Variants in RIC8B observed in about 807,000 individuals in gnomAD.
RIC8B encodes RIC8 guanine nucleotide exchange factor B.
RIC8B carries 16 observed loss-of-function variants against 57.5 expected under a neutral mutation model. That is an observed-to-expected ratio of 0.28 (90% CI 0.19 to 0.42). The LOEUF is 0.42. RIC8B is among the 10% of genes least tolerant of loss of function. The probability of loss-of-function intolerance (pLI) is 1.00; values close to 1 mark genes in which losing one functional copy is unlikely to be tolerated. For synonymous variants in RIC8B, 216 were observed against 250.8 expected, an observed-to-expected ratio of 0.86 and a Z score of 1.31; for missense variants, 481 against 677.0, an observed-to-expected ratio of 0.71 and a Z score of 3.21.
At chr12:106,813,789 G>A (rs527372640) in intron 2 of RIC8B, among the ~76,000 whole-genome samples, 8 of 152,040 alleles carry the variant, frequency 5.3e-5, no homozygotes, top group African/African-American at 1.5e-4. Context: ...AGAAATGTTC[G>A]GTGATAGAGT....
chr12:106,875,473 TA>T lies in RIC8B; in HGVS notation c.1571+4533del, dbSNP rs565702831. Among the ~76,000 whole-genome samples the T allele has an allele frequency of 7.9e-5, 12 of 152,310 alleles. No homozygotes were observed. The East Asian group carries it at 2.1e-3, about 27-fold the overall frequency. Reference sequence around the variant, plus strand: ...TTAGCTATTGCACACAACTTGTATATAATAGTGGTGCCTCCTCTAGAAAAGG... The same window carrying T: ...TTAGCTATTGCACACAACTTGTATATATAGTGGTGCCTCCTCTAGAAAAGG... On this transcript the variant is annotated intron_variant, in intron 9 of 9. Transcript: ENST00000392837.
chr12:106,794,437 C>T (rs2044387559), intron 2 of RIC8B, among the ~76,000 whole-genome samples: 2 of 152,088 alleles, frequency 1.3e-5, no homozygotes, highest in African/African-American at 2.4e-5. Context: ...TTATTGGAAA[C>T]CTACATATCC....
chr12:106,871,600 C>T (rs1950435987), intron 9 of RIC8B: 1 of 151,316 alleles, frequency 6.6e-6, no homozygotes. Flanking sequence ...AGCAACTAGT[C>T]ATCTTGGAGG....
intron 2 of RIC8B, among the ~76,000 whole-genome samples, chr12:106,803,030 A>G (rs1380025056): frequency 6.6e-6 from 1 of 151,926 alleles, no homozygotes; most frequent in Admixed American, 6.6e-5. Context: ...CCTGGGCAGC[A>G]TAGCAAGACC....
At chr12:106,804,017 C>T (rs1566058627) in intron 2 of RIC8B, among the ~76,000 whole-genome samples, 1 of 152,120 alleles carries the variant, frequency 6.6e-6, no homozygotes, top group Non-Finnish European at 1.5e-5. Flanking sequence ...TAATAAATAG[C>T]AGTCATATCC....
chr12:106,798,096 G>A (rs894162773), intron 2 of RIC8B: 2 of 715,820 alleles, frequency 2.8e-6, no homozygotes, highest in African/African-American at 3.5e-5. Context: ...AATAACTAGT[G>A]AAGAAGATAG....
chr12:106,814,537 C>T (rs1332335461), intron 2 of RIC8B, among the ~76,000 whole-genome samples, 159 bp from the exon 3 acceptor site: 1 of 152,104 alleles, frequency 6.6e-6, no homozygotes, highest in Non-Finnish European at 1.5e-5. Flanking sequence ...CTGATGGTGA[C>T]CTTATATTTC....
intron 2 of RIC8B, among the ~76,000 whole-genome samples, 177 bp downstream of exon 2, chr12:106,784,221 G>A (rs1241847995): frequency 1.3e-5 from 2 of 152,106 alleles, no homozygotes; most frequent in African/African-American, 2.4e-5. Context: ...TGGGTTACAC[G>A]TAACTCTTTC....
chr12:106,797,057 G>T (rs2044516533), intron 2 of RIC8B, among the ~76,000 whole-genome samples: 1 of 152,182 alleles, frequency 6.6e-6, no homozygotes, highest in Non-Finnish European at 1.5e-5. Context: ...CCCATACACT[G>T]CTGGTGGGAA....
At chr12:106,855,635 C>A (rs1949686190) in intron 7 of RIC8B, among the ~76,000 whole-genome samples, 1 of 152,186 alleles carries the variant, frequency 6.6e-6, no homozygotes, top group South Asian at 2.1e-4. Flanking sequence ...CCACACACTC[C>A]TAGATGTCCT....
intron 8 of RIC8B, chr12:106,868,170 G>T (rs1490759270): frequency 2.6e-6 from 1 of 381,034 alleles, no homozygotes; most frequent in African/African-American, 2.1e-5. Context: ...GTATGCTGTG[G>T]TGCCCACAAT....
Position 106,879,380 on chromosome 12 carries a change from TG to T in RIC8B, c.1572-6523del. 1 of 985,338 alleles carries T rather than the reference TG, an allele frequency of 1.0e-6. No individual in the cohort carries two copies. The highest frequency in any genetic ancestry group is 1.2e-6 in the Non-Finnish European group (1 of 829,914). The allele number at this position is 985,338 out of a possible 1,614,324, so 61.0% of individuals were successfully genotyped here. On this transcript the variant is annotated intron_variant, in intron 9 of 9. Transcript: ENST00000392837. The surrounding 1 kb of genome is among the most constrained non-coding windows in gnomAD (Gnocchi z 4.9). Reference sequence around the variant, plus strand: ...TAGTATCTGAACCCCAATTTTGCACTGTCATTTTTGGGGGAAAGAGTCATAT... The same window carrying T: ...TAGTATCTGAACCCCAATTTTGCACTTCATTTTTGGGGGAAAGAGTCATAT...
At chr12:106,820,244 G>A (rs1033904328) in intron 3 of RIC8B, among the ~76,000 whole-genome samples, 1 of 152,156 alleles carries the variant, frequency 6.6e-6, no homozygotes, top group South Asian at 2.1e-4. Context: ...AGTGCAATTT[G>A]TTCATTTTAG....
At chr12:106,794,514 G>A (rs1039600636) in intron 2 of RIC8B, among the ~76,000 whole-genome samples, 1 of 152,122 alleles carries the variant, frequency 6.6e-6, no homozygotes, top group South Asian at 2.1e-4. Context: ...AGCCAAAGAC[G>A]AGGAGAAAAT....
intron 9 of RIC8B, chr12:106,880,087 T>A: frequency 5.3e-6 from 2 of 376,994 alleles, no homozygotes; most frequent in Non-Finnish European, 7.3e-6. Context: ...TAATTTAGGA[T>A]CAGTAACTCT....
intron 3 of RIC8B, 50 bp from the exon 4 acceptor site, chr12:106,825,676 T>C (rs749425577): frequency 1.5e-6 from 2 of 1,365,880 alleles, no homozygotes; most frequent in South Asian, 1.2e-5. Flanking sequence ...CAGACCCCAC[T>C]GTTCAGGCAT....
At chr12:106,853,562 A>T (rs749546663) in intron 7 of RIC8B, among the ~76,000 whole-genome samples, 30 of 134,330 alleles carry the variant, frequency 2.2e-4, no homozygotes, top group Admixed American at 7.9e-4. Context: ...TCCGCCTCCC[A>T]GGTTGAAGCG....
At position 106,846,723 on chromosome 12, in the gene RIC8B, CA is replaced by C. The variant is rs35399211; in HGVS notation, c.1161+2792del. Among the ~76,000 whole-genome samples, 1,049 of 120,488 alleles carry C rather than the reference CA, an allele frequency of 8.7e-3. 8 individuals carry two copies. The highest frequency in any genetic ancestry group is 0.017 in the Admixed American group (197 of 11,694). 79.0% of individuals were successfully genotyped at this position (120,488 alleles called of 152,430 possible). Reference sequence around the variant, plus strand: ...TTTTGCTATCTCTAAACAGAACAGCCAAAAAAAAAAAAAAAACCTATTAGTT... The same window carrying C: ...TTTTGCTATCTCTAAACAGAACAGCCAAAAAAAAAAAAAAACCTATTAGTT... On this transcript the variant is annotated intron_variant, in intron 6 of 9. Coordinates refer to ENST00000392837, the MANE Select transcript of RIC8B (RefSeq NM_001330145.2).
intron 9 of RIC8B, among the ~76,000 whole-genome samples, chr12:106,884,539 C>A (rs569231913): frequency 6.6e-6 from 1 of 152,254 alleles, no homozygotes; most frequent in South Asian, 2.1e-4. Flanking sequence ...ATCTCTCAGA[C>A]CCCTTCCAAC....
Sources: allele counts gnomAD v4.1 joint callset (sites outside exome capture counted in the v4.1 genomes callset), GRCh38; gene constraint gnomAD v4.1.1; non-coding constraint Gnocchi (gnomAD v3.1); transcripts MANE v1.5; gene names NCBI Gene and HGNC (gene_info 2026-07-23, HGNC 2026-07-21).